The following AFAP1L1 variants were observed in gnomAD, a reference collection of about 807,000 sequenced individuals.
AFAP1L1 encodes actin filament associated protein 1 like 1, also known as actin filament-associated protein 1-like 1.
In AFAP1L1, 77 loss-of-function variants were observed where a neutral mutation model predicts 99.8. The observed-to-expected ratio is 0.77, with a 90% CI of 0.64 to 0.93. The LOEUF (loss-of-function observed/expected upper bound fraction) is 0.93. Ranked by LOEUF, AFAP1L1 falls within the 40% of genes least tolerant of loss-of-function variation. AFAP1L1 has a pLI of 0.00. For missense variants in AFAP1L1, 893 were observed against 996.8 expected, an observed-to-expected ratio of 0.90 and a Z score of 1.40; for synonymous variants, 373 against 395.3, an observed-to-expected ratio of 0.94 and a Z score of 0.67.
chr5:149,288,263 T>TGAG (rs1205630461), intron 1 of AFAP1L1, among the ~76,000 whole-genome samples: 1 of 152,234 alleles, frequency 6.6e-6, no homozygotes, highest in African/African-American at 2.4e-5. Flanking sequence ...GGCTCTGGAA[T>TGAG]GAGGTCTAGG....
rs2127599900 is a variant in AFAP1L1, at chr5:149,320,069, C to T, written c.1626-322C>T. On this transcript the variant is annotated intron_variant, in intron 13 of 18. Coordinates refer to ENST00000296721, the MANE Select transcript of AFAP1L1 (RefSeq NM_152406.4). The surrounding 1 kb of genome is among the most constrained non-coding windows in gnomAD (Gnocchi z 4.0). ...TATATGGCATTTGGTACTAGAAGAG[C>T]CAAGTTCGAGTCCCAGCTCAGTCAC... 6.6e-6 allele frequency among the ~76,000 whole-genome samples: 1 copy of T among 152,314 alleles called. No individual in the cohort carries two copies. Among genetic ancestry groups the T allele is most frequent in the Middle Eastern group, 3.4e-3 (1 of 294 alleles).
At position 149,300,362 on chromosome 5, in the gene AFAP1L1, A is replaced by T; in HGVS notation, c.229+8A>T. Reference sequence around the variant, plus strand: ...CCCTCTTTGAAGAATTTGGTAAGTGACCCTCTCCCAACCTCAGCTACGGAG... The same window carrying T: ...CCCTCTTTGAAGAATTTGGTAAGTGTCCCTCTCCCAACCTCAGCTACGGAG... On this transcript the variant is annotated splice_region_variant and intron_variant, in intron 3 of 18. Coordinates refer to ENST00000296721, the MANE Select transcript of AFAP1L1 (RefSeq NM_152406.4). The T allele has an allele frequency of 6.2e-7, 1 of 1,610,344 alleles. No individual in the cohort carries two copies. Among genetic ancestry groups the T allele is most frequent in the African/African-American group, 1.3e-5 (1 of 74,856 alleles).
At chr5:149,328,186 T>C (rs1446590528) in intron 15 of AFAP1L1, among the ~76,000 whole-genome samples, 1 of 152,176 alleles carries the variant, frequency 6.6e-6, no homozygotes, top group Non-Finnish European at 1.5e-5. Context: ...CAGGAACAGA[T>C]TTTTGCATGG....
chr5:149,328,402 G>A (rs1447012533), intron 15 of AFAP1L1, among the ~76,000 whole-genome samples: 2 of 152,210 alleles, frequency 1.3e-5, no homozygotes. Context: ...CATGGACCCT[G>A]GAGTCAGAGA....
chr5:149,292,798 C>T (rs1693904), intron 1 of AFAP1L1, among the ~76,000 whole-genome samples: 133,010 of 152,252 alleles, frequency 0.87, 58,353 homozygotes, highest in Non-Finnish European at 0.91. Flanking sequence ...TCCTCATGCC[C>T]GAGTCTGCCA....
chr5:149,297,567 A>G (rs1353160270), intron 1 of AFAP1L1, among the ~76,000 whole-genome samples: 1 of 152,222 alleles, frequency 6.6e-6, no homozygotes, highest in East Asian at 1.9e-4. Context: ...AGCTGTCCAC[A>G]TCAACCTTCA....
Position 149,300,282 on chromosome 5 carries a change from T to C in AFAP1L1, c.157T>C (p.Ser53Pro). 1 of 1,613,054 alleles carries C rather than the reference T, an allele frequency of 6.2e-7. No individual in the cohort carries two copies. Among genetic ancestry groups the C allele is most frequent in the Non-Finnish European group, 8.5e-7 (1 of 1,179,536 alleles). ...CTTCTTCCTCACAGCAAAGGAGGTC[T>C]CCTACCTGTATGTGAACACAGCAGA... ...SLQPLPAKEVSYLYVNTADLH... is the reference protein window; with the variant it reads ...SLQPLPAKEVPYLYVNTADLH... Residue 53 changes from serine (S) to proline (P), a missense_variant, in exon 3 of 19, where the codon TCC becomes CCC. Physicochemically the swap from Ser to Pro is moderately conservative, Grantham distance 74. Transcript: ENST00000296721.
intron 14 of AFAP1L1, among the ~76,000 whole-genome samples, chr5:149,322,315 G>C (rs1444365610): frequency 2.0e-5 from 3 of 152,146 alleles, no homozygotes; most frequent in Non-Finnish European, 4.4e-5. Flanking sequence ...AAGTATCGAT[G>C]ATAAATCAAA....
rs187198512 is a variant in AFAP1L1 at position 149,284,415 on chromosome 5, A to G, written c.16+12431A>G. ...CTGAAAATGGAGATAACAGTCTCCT[A>G]TCTACGATGAGGGCTCATTGGATTC... On this transcript the variant is annotated intron_variant, in intron 1 of 18. Coordinates refer to ENST00000296721, the MANE Select transcript of AFAP1L1 (RefSeq NM_152406.4). Among the ~76,000 whole-genome samples, 12 of 152,364 alleles carry G rather than the reference A, an allele frequency of 7.9e-5. No individual in the cohort carries two copies. The East Asian group carries it at 2.3e-3, about 29-fold the overall frequency.
chr5:149,315,609 G>A, intron 9 of AFAP1L1: 1 of 549,070 alleles, frequency 1.8e-6, no homozygotes, highest in Non-Finnish European at 3.3e-6. Flanking sequence ...TCCCCAAATG[G>A]ACTGTGAATT....
intron 15 of AFAP1L1, among the ~76,000 whole-genome samples, chr5:149,328,360 G>A (rs532723343): frequency 6.6e-6 from 1 of 152,300 alleles, no homozygotes; most frequent in Non-Finnish European, 1.5e-5. Context: ...GTTGAACTAT[G>A]GCCTTGGCCC....
At chr5:149,278,983 T>C (rs780215717) in intron 1 of AFAP1L1, among the ~76,000 whole-genome samples, 19 of 152,234 alleles carry the variant, frequency 1.2e-4, no homozygotes, top group Non-Finnish European at 2.6e-4. Context: ...CTCCTGCCTA[T>C]AGTACATTTC....
chr5:149,307,857 T>TCTCTC (rs57582125), intron 7 of AFAP1L1, among the ~76,000 whole-genome samples: 26 of 147,580 alleles, frequency 1.8e-4, no homozygotes, highest in South Asian at 4.3e-4. Flanking sequence ...TCTCTCTCTC[T>TCTCTC]TAAATTTAAA....
At chr5:149,311,932 G>C (rs1756641740) in intron 8 of AFAP1L1, among the ~76,000 whole-genome samples, 180 bp from the exon 9 acceptor site, 1 of 152,218 alleles carries the variant, frequency 6.6e-6, no homozygotes, top group South Asian at 2.1e-4. Context: ...GGACAGATAT[G>C]GGAGAAAGCC....
At chr5:149,334,521 C>T (rs1261695286) in intron 17 of AFAP1L1, among the ~76,000 whole-genome samples, 1 of 152,198 alleles carries the variant, frequency 6.6e-6, no homozygotes, top group Non-Finnish European at 1.5e-5. Context: ...TAAGGAGCTA[C>T]ATCTAGTAAG....
chr5:149,299,444 C>T lies in AFAP1L1; in HGVS notation c.17-65C>T, dbSNP rs990938144. ...CGCCCAACTCTAGGTGGTGGGGGGC[C>T]GAACTCCCGGGCACAGAGCTGTGAC... On this transcript the variant is annotated intron_variant, in intron 1 of 18. Transcript: ENST00000296721. 3.5e-5 allele frequency: 55 copies of T among 1,589,258 alleles called. No homozygotes were observed. The East Asian group carries it at 4.3e-4, about 12-fold the overall frequency.
At chr5:149,307,744 C>G (rs140474711) in intron 7 of AFAP1L1, 131 bp downstream of exon 7, 1 of 890,500 alleles carries the variant, frequency 1.1e-6, no homozygotes, top group Admixed American at 2.2e-5. Flanking sequence ...CTCAAAGGCC[C>G]CATGCTCCCA....
At position 149,287,756 on chromosome 5, in the gene AFAP1L1, T is replaced by TG. The variant is rs1472961160; in HGVS notation, c.17-11753_17-11752insG. On this transcript the variant is annotated intron_variant, in intron 1 of 18. Transcript: ENST00000296721. The stretch of plus-strand genomic sequence containing the variant: ...AGGGTTTTTTGTTTTTTTGGTGTTT[T>TG]TTTTTTTTTTTTGTATTTTTAGTAC... Among the ~76,000 whole-genome samples, 201 of 149,702 alleles carry TG rather than the reference T, an allele frequency of 1.3e-3. 1 individual carries two copies. The highest frequency in any genetic ancestry group is 4.6e-3 in the African/African-American group (190 of 40,918).
At chr5:149,310,219 C>T in intron 8 of AFAP1L1, 84 bp downstream of exon 8, 10 of 1,442,618 alleles carry the variant, frequency 6.9e-6, no homozygotes, top group Non-Finnish European at 9.2e-6. Context: ...GGCTCCTGTC[C>T]CTGGAAGAGC....
Sources: gnomAD v4.1 joint callset for allele counts (sites outside exome capture counted in the v4.1 genomes callset) on GRCh38, gnomAD v4.1.1 for gene constraint, Gnocchi (gnomAD v3.1) non-coding constraint, MANE v1.5 for transcripts, NCBI Gene and HGNC (gene_info 2026-07-23, HGNC 2026-07-21) for gene names.